KCNQ1: variants seen among roughly 807,000 people sequenced by gnomAD.
The protein encoded by KCNQ1 is potassium voltage-gated channel subfamily KQT member 1.
KCNQ1 carries 49 observed loss-of-function variants against 72.4 expected under a neutral mutation model. The ratio of observed to expected loss-of-function variants is 0.68; its 90% CI spans 0.54 to 0.86. The LOEUF (loss-of-function observed/expected upper bound fraction) is 0.86. Ranked by LOEUF, KCNQ1 falls within the 40% of genes least tolerant of loss-of-function variation. The probability of loss-of-function intolerance (pLI) is 0.00; values close to 1 mark genes in which losing one functional copy is unlikely to be tolerated. For synonymous variants in KCNQ1, 450 were observed against 412.6 expected (o/e 1.09, Z -1.10); for missense variants, 790 against 945.1 (o/e 0.84, Z 2.15).
At position 2,641,982 on chromosome 11, in the gene KCNQ1, G is replaced by T. The variant is rs962254185; in HGVS notation, c.1394-19979G>T. ...CTTCCAGGTTCTACTCTGTTCCATT[G>T]GTCTATCAGTTTTTATTCCAATACC... is the stretch of plus-strand genomic sequence containing the variant. On this transcript the variant is annotated intron_variant, in intron 10 of 15. Coordinates refer to ENST00000155840, the MANE Select transcript of KCNQ1 (RefSeq NM_000218.3). The T allele has an allele frequency of 1.0e-5, 4 of 398,156 alleles. No homozygotes were observed. The East Asian group carries it at 1.1e-4, about 11-fold the overall frequency. 24.7% of individuals were successfully genotyped at this position (398,156 alleles called of 1,614,324 possible).
rs1013311375 is a variant in KCNQ1 at position 2,670,293 on chromosome 11, G to A, written c.1514+8212G>A. Reference sequence around the variant, plus strand: ...TAGCTTGTCTCTAGGCAACCCATAGGTGCCCAATGGAGAGATAATCTCAAA... The same window carrying A: ...TAGCTTGTCTCTAGGCAACCCATAGATGCCCAATGGAGAGATAATCTCAAA... On this transcript the variant is annotated intron_variant, in intron 11 of 15. Coordinates refer to ENST00000155840, the MANE Select transcript of KCNQ1 (RefSeq NM_000218.3). The surrounding 1 kb of genome is among the most constrained non-coding windows in gnomAD (Gnocchi z 4.9). The A allele has an allele frequency of 2.3e-5, 9 of 398,422 alleles. No homozygotes were observed. The highest frequency in any genetic ancestry group is 4.4e-5 in the Admixed American group (1 of 22,680). The allele number at this position is 398,422 out of a possible 1,614,324, so 24.7% of individuals were successfully genotyped here.
chr11:2,764,678 C>T lies in KCNQ1; in HGVS notation c.1515-4166C>T, dbSNP rs757566188. ...AAGATCATTAAAATTCCAAATTTAA[C>T]TTATTTAATTAATATTGGGCAATTT... On this transcript the variant is annotated intron_variant, in intron 11 of 15. Transcript: ENST00000155840. The surrounding 1 kb of genome is among the most constrained non-coding windows in gnomAD (Gnocchi z 4.8). Among the ~76,000 whole-genome samples, 5 of 152,116 alleles carry T rather than the reference C, an allele frequency of 3.3e-5. No individual in the cohort carries two copies. Among genetic ancestry groups the T allele is most frequent in the Non-Finnish European group, 7.3e-5 (5 of 68,032 alleles).
chr11:2,622,416 C>G (rs1589987186), intron 10 of KCNQ1: 1 of 398,246 alleles, frequency 2.5e-6, no homozygotes. Flanking sequence ...TTCATTCTTT[C>G]ACTTTCAATC....
chr11:2,661,539 C>G lies in KCNQ1; in HGVS notation c.1394-422C>G. ...CTATCACCCCATCTTTCCTGACCCA[C>G]TACTCTGTCAATGTATGAGTGTGAC... On this transcript the variant is annotated intron_variant, in intron 10 of 15. Transcript: ENST00000155840. The surrounding 1 kb of genome is among the most constrained non-coding windows in gnomAD (Gnocchi z 5.9). 2 of 501,524 alleles carry G rather than the reference C, an allele frequency of 4.0e-6. No homozygotes were observed. The highest frequency in any genetic ancestry group is 7.0e-6 in the Non-Finnish European group (2 of 285,014). The allele number at this position is 501,524 out of a possible 1,614,324, so 31.1% of individuals were successfully genotyped here.
rs1229240672 is a variant in KCNQ1, at chr11:2,711,769, C to T, written c.1514+49688C>T. Among the ~76,000 whole-genome samples the T allele has an allele frequency of 6.6e-6, 1 of 152,194 alleles. No individual in the cohort carries two copies. Among genetic ancestry groups the T allele is most frequent in the Non-Finnish European group, 1.5e-5 (1 of 68,034 alleles). ...CAGCTTACAAAGGAGTTTTATTTTT[C>T]AAATTTCCTTTCAACTCGAGGGTCT... On this transcript the variant is annotated intron_variant, in intron 11 of 15. Coordinates refer to ENST00000155840, the MANE Select transcript of KCNQ1 (RefSeq NM_000218.3). This position sits in a 1 kb window ranked among gnomAD's most constrained non-coding sequence, Gnocchi z 5.4.
chr11:2,533,633 G>A (rs1034143160), intron 2 of KCNQ1, among the ~76,000 whole-genome samples: 3 of 152,260 alleles, frequency 2.0e-5, no homozygotes, highest in Non-Finnish European at 4.4e-5. Flanking sequence ...GTGTGCACAC[G>A]TGTGTCTGAC....
intron 10 of KCNQ1, chr11:2,643,782 T>A: frequency 2.5e-6 from 1 of 398,634 alleles, no homozygotes; most frequent in South Asian, 1.3e-4. Context: ...GCCAGTGTAG[T>A]GGCAATTAAT....
At position 2,755,709 on chromosome 11, in the gene KCNQ1, G is replaced by A. The variant is rs571161376; in HGVS notation, c.1515-13135G>A. Reference sequence around the variant, plus strand: ...TATTCATAGGTTCTAGGACATCTTTGGGGGAGCCCTTATTCTGCCTACCAA... The same window carrying A: ...TATTCATAGGTTCTAGGACATCTTTAGGGGAGCCCTTATTCTGCCTACCAA... On this transcript the variant is annotated intron_variant, in intron 11 of 15. Coordinates refer to ENST00000155840, the MANE Select transcript of KCNQ1 (RefSeq NM_000218.3). Among the ~76,000 whole-genome samples, 81 of 152,288 alleles carry A rather than the reference G, an allele frequency of 5.3e-4. No homozygotes were observed. In the South Asian group the frequency reaches 0.015, roughly 29 times the overall value.
rs1288979237 is a variant in KCNQ1 at position 2,698,686 on chromosome 11, C to T, written c.1514+36605C>T. The T allele has an allele frequency of 5.0e-6, 2 of 398,792 alleles. No homozygotes were observed. The highest frequency in any genetic ancestry group is 4.1e-5 in the African/African-American group (2 of 48,596). 24.7% of individuals were successfully genotyped at this position (398,792 alleles called of 1,614,324 possible). On this transcript the variant is annotated intron_variant, in intron 11 of 15. Coordinates refer to ENST00000155840, the MANE Select transcript of KCNQ1 (RefSeq NM_000218.3). The surrounding 1 kb of genome is among the most constrained non-coding windows in gnomAD (Gnocchi z 5.1). The stretch of plus-strand genomic sequence containing the variant: ...CAGAGCCCCCCATTCAGAACCTCTA[C>T]CCAAAGACAGACTCCAGACCCTGAC...
At chr11:2,797,433 A>T (rs371237372) in intron 15 of KCNQ1, among the ~76,000 whole-genome samples, 8 of 152,226 alleles carry the variant, frequency 5.3e-5, no homozygotes, top group African/African-American at 1.9e-4. Flanking sequence ...TGCCAGCTCC[A>T]GCTGCTGTGT....
At chr11:2,667,355 G>A (rs1850095487) in intron 11 of KCNQ1, 1 of 398,608 alleles carries the variant, frequency 2.5e-6, no homozygotes, top group Admixed American at 4.4e-5. Context: ...CCTCTGCAAG[G>A]GAAAGGCCAT....
rs548772544 is a variant in KCNQ1 at position 2,795,328 on chromosome 11, C to T, written c.1794+17291C>T. ...ACTGCACCCATGTCTGGGGAGGCCA[C>T]GGACAGGGCCCCAGGGTCTCAGGTG... On this transcript the variant is annotated intron_variant, in intron 15 of 15. Coordinates refer to ENST00000155840, the MANE Select transcript of KCNQ1 (RefSeq NM_000218.3). Among the ~76,000 whole-genome samples the T allele has an allele frequency of 2.6e-5, 4 of 152,372 alleles. No individual in the cohort carries two copies. In the East Asian group the frequency reaches 7.7e-4, roughly 29 times the overall value.
rs1054525137 is a variant in KCNQ1 at position 2,654,672 on chromosome 11, G to A, written c.1394-7289G>A. The A allele has an allele frequency of 7.5e-6, 3 of 398,834 alleles. No individual in the cohort carries two copies. The highest frequency in any genetic ancestry group is 2.1e-5 in the African/African-American group (1 of 48,618). 24.7% of individuals were successfully genotyped at this position (398,834 alleles called of 1,614,324 possible). A position where few individuals can be genotyped will look rare whatever the true frequency, so the allele number is the denominator to read the frequency against. ...TGAGGGCAGAGGGCAGCAGAGATGGGCTGGAGCTTTGAGCTTTGTCATAGG... is the reference window on the plus strand; with the variant it reads ...TGAGGGCAGAGGGCAGCAGAGATGGACTGGAGCTTTGAGCTTTGTCATAGG... On this transcript the variant is annotated intron_variant, in intron 10 of 15. Coordinates refer to ENST00000155840, the MANE Select transcript of KCNQ1 (RefSeq NM_000218.3). This position sits in a 1 kb window ranked among gnomAD's most constrained non-coding sequence, Gnocchi z 6.4.
chr11:2,447,810 G>T lies in KCNQ1; in HGVS notation c.386+2326G>T, dbSNP rs1246690351. Reference sequence around the variant, plus strand: ...AGGGCCCAGGCATGTGTGCAGGGGGGTTGAGGCAGGAGCCGGTGTTCCGCT... The same window carrying T: ...AGGGCCCAGGCATGTGTGCAGGGGGTTTGAGGCAGGAGCCGGTGTTCCGCT... On this transcript the variant is annotated intron_variant, in intron 1 of 15. Transcript: ENST00000155840. The surrounding 1 kb of genome is among the most constrained non-coding windows in gnomAD (Gnocchi z 7.6). Among the ~76,000 whole-genome samples the T allele has an allele frequency of 4.6e-5, 7 of 152,324 alleles. No homozygotes were observed. In the South Asian group the frequency reaches 8.3e-4, roughly 18 times the overall value.
At chr11:2,469,959 C>A (rs1282237876) in intron 1 of KCNQ1, among the ~76,000 whole-genome samples, 1 of 152,050 alleles carries the variant, frequency 6.6e-6, no homozygotes, top group Non-Finnish European at 1.5e-5. Flanking sequence ...CACGCCCGGC[C>A]CTTTTAAACA....
rs1163754111 is a variant in KCNQ1, at chr11:2,759,616, T to A, written c.1515-9228T>A. On this transcript the variant is annotated intron_variant, in intron 11 of 15. Transcript: ENST00000155840. The surrounding 1 kb of genome is among the most constrained non-coding windows in gnomAD (Gnocchi z 4.4). ...AGGGAGCGAGCTCTTATTTCCTTAT[T>A]TTCTTTCCATCTCCACTCCCAGGCA... 6.6e-6 allele frequency among the ~76,000 whole-genome samples: 1 copy of A among 152,208 alleles called. No individual in the cohort carries two copies. The highest frequency in any genetic ancestry group is 1.5e-5 in the Non-Finnish European group (1 of 68,024).
At chr11:2,800,314 G>A (rs557025205) in intron 15 of KCNQ1, among the ~76,000 whole-genome samples, 15 of 152,362 alleles carry the variant, frequency 9.8e-5, no homozygotes, top group East Asian at 3.9e-4. Context: ...GCTGACAGCC[G>A]TTCCTGCTTC....
At position 2,735,629 on chromosome 11, in the gene KCNQ1, C is replaced by G. The variant is rs544392963; in HGVS notation, c.1515-33215C>G. 6.6e-6 allele frequency among the ~76,000 whole-genome samples: 1 copy of G among 152,078 alleles called. No individual in the cohort carries two copies. Among genetic ancestry groups the G allele is most frequent in the Non-Finnish European group, 1.5e-5 (1 of 68,012 alleles). On this transcript the variant is annotated intron_variant, in intron 11 of 15. Coordinates refer to ENST00000155840, the MANE Select transcript of KCNQ1 (RefSeq NM_000218.3). The surrounding 1 kb of genome is among the most constrained non-coding windows in gnomAD (Gnocchi z 7.7). ...GCTGGGGGATGACATGAGTCCACTC[C>G]GCTGTCACCACCAAGACCACAGTGG...
In KCNQ1 at chr11:2,784,365, A is replaced by G. The variant is rs930464605; in HGVS notation, c.1794+6328A>G. Among the ~76,000 whole-genome samples the G allele has an allele frequency of 2.0e-5, 3 of 151,924 alleles. No homozygotes were observed. Among genetic ancestry groups the G allele is most frequent in the Non-Finnish European group, 2.9e-5 (2 of 67,816 alleles). On this transcript the variant is annotated intron_variant, in intron 15 of 15. Transcript: ENST00000155840. The surrounding 1 kb of genome is among the most constrained non-coding windows in gnomAD (Gnocchi z 4.7). ...ATTTTCAATTCTATTATGTTGGTCT[A>G]TATGCCTTTCTGTAAGTCTATATGC...
Sources: gnomAD v4.1 joint callset for allele counts (sites outside exome capture counted in the v4.1 genomes callset) on GRCh38, gnomAD v4.1.1 for gene constraint, Gnocchi (gnomAD v3.1) non-coding constraint, MANE v1.5 for transcripts, NCBI Gene and HGNC (gene_info 2026-07-23, HGNC 2026-07-21) for gene names.